NCOA7: variants seen among roughly 807,000 people sequenced by gnomAD.
The protein encoded by NCOA7 is 140 kDa estrogen receptor-associated protein.
NCOA7 carries 45 observed loss-of-function variants against 104.3 expected under a neutral mutation model. That is an observed-to-expected ratio of 0.43 (90% CI 0.34 to 0.55). NCOA7 has a LOEUF of 0.55. NCOA7 is among the 20% of genes least tolerant of loss of function. The pLI, the probability that NCOA7 is intolerant of heterozygous loss-of-function variation, is 0.02. For missense variants in NCOA7, 1,041 were observed against 1,119.7 expected (o/e 0.93, Z 1.00); for synonymous variants, 398 against 402.3 (o/e 0.99, Z 0.13).
At chr6:125,918,955 A>G (rs996920101) in intron 11 of NCOA7, among the ~76,000 whole-genome samples, 1 of 149,232 alleles carries the variant, frequency 6.7e-6, no homozygotes, top group Non-Finnish European at 1.5e-5. Context: ...GGCGGGGGAG[A>G]AAAAAAAAAG....
chr6:125,823,148 T>C (rs1778348826), intron 2 of NCOA7, among the ~76,000 whole-genome samples: 1 of 152,200 alleles, frequency 6.6e-6, no homozygotes, highest in African/African-American at 2.4e-5. Flanking sequence ...ATAGCTCTTA[T>C]TTGTTTATTG....
chr6:125,781,292 G>A (rs990224382), exon 1 of NCOA7: 2 of 152,216 alleles, frequency 1.3e-5, no homozygotes, highest in Non-Finnish European at 2.9e-5. Context: ...GCTTAAGTAA[G>A]ACATAAATTT....
chr6:125,920,519 A>G (rs1787476706), intron 11 of NCOA7, among the ~76,000 whole-genome samples: 1 of 152,238 alleles, frequency 6.6e-6, no homozygotes, highest in South Asian at 2.1e-4. Flanking sequence ...TCAGTGACCG[A>G]GCAATCAGCA....
rs956648803 is a variant in NCOA7 at position 125,889,792 on chromosome 6, A to G, written c.1738A>G (p.Lys580Glu). 6 of 1,612,434 alleles carry G rather than the reference A, an allele frequency of 3.7e-6. No individual in the cohort carries two copies. The highest frequency in any genetic ancestry group is 5.1e-6 in the Non-Finnish European group (6 of 1,179,468). The change falls in exon 9 of 16, where the codon AAG becomes GAG. Residue 580 changes from lysine to glutamate, a missense_variant. Coordinates refer to ENST00000392477, the MANE Select transcript of NCOA7 (RefSeq NM_181782.5). The stretch of plus-strand genomic sequence containing the variant: ...AACTGAGGGCAATAAAGAGCCAGAT[A>G]AGACCTGGGTGAAAAAGGGAGAGCC... ...PITEGNKEPD[K>E]TWVKKGEPLP...
intron 10 of NCOA7, among the ~76,000 whole-genome samples, chr6:125,898,946 AT>A (rs1785267558): frequency 1.3e-5 from 2 of 152,182 alleles, no homozygotes; most frequent in South Asian, 4.1e-4. Context: ...ACTAACTACA[AT>A]TCATTTTATC....
chr6:125,817,094 G>T (rs1417672106), intron 2 of NCOA7, among the ~76,000 whole-genome samples: 1 of 152,138 alleles, frequency 6.6e-6, no homozygotes, highest in African/African-American at 2.4e-5. Flanking sequence ...TCGATAGTTT[G>T]TTCCTTTTTA....
intron 2 of NCOA7, among the ~76,000 whole-genome samples, chr6:125,825,561 TTACATAA>T (rs1778593252): frequency 6.6e-6 from 1 of 152,260 alleles, no homozygotes; most frequent in African/African-American, 2.4e-5. Context: ...GTTTTAGAAG[TTACATAA>T]TACATAATAT....
At chr6:125,790,774 G>A (rs1450934640), upstream of NCOA7, 1 of 152,344 alleles carries the variant, frequency 6.6e-6, no homozygotes, top group East Asian at 1.9e-4. Flanking sequence ...TGCCCTGACG[G>A]GGGGCGCAGC....
intron 2 of NCOA7, among the ~76,000 whole-genome samples, chr6:125,849,503 C>T (rs1479252244): frequency 3.3e-5 from 5 of 152,108 alleles, no homozygotes; most frequent in Non-Finnish European, 7.4e-5. Context: ...ACAGTGATTG[C>T]TTCTTATGTT....
chr6:125,908,281 C>A (rs1408724612), intron 10 of NCOA7, among the ~76,000 whole-genome samples: 1 of 152,194 alleles, frequency 6.6e-6, no homozygotes, highest in African/African-American at 2.4e-5. Context: ...TCTTGTTAAA[C>A]CTAAGAAACA....
chr6:125,803,194 C>A (rs769338637), intron 1 of NCOA7, among the ~76,000 whole-genome samples: 1 of 152,150 alleles, frequency 6.6e-6, no homozygotes, highest in Non-Finnish European at 1.5e-5. Flanking sequence ...TCAGGGATGT[C>A]CCACTTTTAA....
At chr6:125,823,074 C>T (rs576746076) in intron 2 of NCOA7, among the ~76,000 whole-genome samples, 8 of 152,100 alleles carry the variant, frequency 5.3e-5, no homozygotes, top group African/African-American at 1.9e-4. Flanking sequence ...AATTTCAAAG[C>T]GCCATCCACC....
chr6:125,918,987 G>A (rs1407864400), intron 11 of NCOA7, among the ~76,000 whole-genome samples: 1 of 151,888 alleles, frequency 6.6e-6, no homozygotes, highest in Non-Finnish European at 1.5e-5. Flanking sequence ...TGAAAAGGCA[G>A]GGCTAGAAAA....
chr6:125,822,197 C>A (rs1052920240), intron 2 of NCOA7, among the ~76,000 whole-genome samples: 3 of 152,122 alleles, frequency 2.0e-5, no homozygotes, highest in African/African-American at 7.2e-5. Context: ...AAATTTATTG[C>A]CCATTGTTGG....
intron 1 of NCOA7, among the ~76,000 whole-genome samples, chr6:125,814,954 AT>A (rs889099499): frequency 1.3e-5 from 2 of 151,902 alleles, no homozygotes; most frequent in African/African-American, 4.8e-5. Context: ...TATGAGTTCA[AT>A]TTTTTTTTAA....
intron 10 of NCOA7, among the ~76,000 whole-genome samples, chr6:125,910,318 G>C (rs1786412809): frequency 6.6e-6 from 1 of 152,146 alleles, no homozygotes; most frequent in African/African-American, 2.4e-5. Context: ...AACCTATTAG[G>C]AACCACTTAT....
At chr6:125,890,586 TCTG>T (rs926652002) in intron 9 of NCOA7, 53 bp from the exon 10 acceptor site, 15 of 1,495,698 alleles carry the variant, frequency 1.0e-5, no homozygotes, top group Non-Finnish European at 1.3e-5. Flanking sequence ...GTTGAAAAAT[TCTG>T]CTATTACCAA....
intron 10 of NCOA7, among the ~76,000 whole-genome samples, chr6:125,908,882 G>A (rs531303967): frequency 2.0e-5 from 3 of 152,312 alleles, no homozygotes; most frequent in Admixed American, 6.5e-5. Flanking sequence ...CACACTTTAC[G>A]TTTTCTTGCA....
chr6:125,828,384 G>A (rs1427454825), intron 2 of NCOA7, among the ~76,000 whole-genome samples: 1 of 152,204 alleles, frequency 6.6e-6, no homozygotes, highest in Non-Finnish European at 1.5e-5. Flanking sequence ...TTGGATAAAA[G>A]CAGTTTCAGC....
Sources: gnomAD v4.1 joint callset for allele counts (sites outside exome capture counted in the v4.1 genomes callset) on GRCh38, gnomAD v4.1.1 for gene constraint, MANE v1.5 for transcripts, NCBI Gene and HGNC (gene_info 2026-07-23, HGNC 2026-07-21) for gene names.